Variants in MRPL16 observed in about 807,000 individuals in gnomAD.
The protein encoded by MRPL16 is large ribosomal subunit protein uL16m.
MRPL16 carries 17 observed loss-of-function variants against 22.7 expected under a neutral mutation model. The observed-to-expected ratio is 0.75, with a 90% CI of 0.51 to 1.12. The LOEUF is 1.12. MRPL16 is among the 50% of genes most tolerant of loss of function. The probability of loss-of-function intolerance (pLI) is 0.00; values close to 1 mark genes in which losing one functional copy is unlikely to be tolerated. For missense variants in MRPL16, 316 were observed against 328.7 expected, an observed-to-expected ratio of 0.96 and a Z score of 0.30; for synonymous variants, 103 against 112.8, an observed-to-expected ratio of 0.91 and a Z score of 0.55.
intron 1 of MRPL16, chr11:59,810,256 G>T: frequency 8.4e-7 from 1 of 1,186,384 alleles, no homozygotes; most frequent in Non-Finnish European, 1.1e-6. Flanking sequence ...TGATTCGCCC[G>T]CCTCGGCCTC....
chr11:59,810,707 C>T lies in MRPL16; in HGVS notation c.-49G>A, dbSNP rs563113167. 6.8e-6 allele frequency: 11 copies of T among 1,610,204 alleles called. No individual in the cohort carries two copies. Among genetic ancestry groups the T allele is most frequent in the South Asian group, 2.2e-5 (2 of 90,878 alleles). ...GAGCTCCCCCAGCGACTCCGGCTGT[C>T]TCCTGCACCCAGGTAAGCAGCGGCG... On this transcript the variant is annotated 5_prime_UTR_variant, in exon 1 of 4. Transcript: ENST00000300151.
chr11:59,808,104 C>A lies in MRPL16; in HGVS notation c.122-255G>T, dbSNP rs76639747. ...CAGCCTGAAAGTCTTAAAGTTACCACTGAACAGTAACTGTAAAGGTATATT... is the reference window on the plus strand; with the variant it reads ...CAGCCTGAAAGTCTTAAAGTTACCAATGAACAGTAACTGTAAAGGTATATT... On this transcript the variant is annotated intron_variant, in intron 2 of 3. Coordinates refer to ENST00000300151, the MANE Select transcript of MRPL16 (RefSeq NM_017840.4). Among the ~76,000 whole-genome samples the A allele has an allele frequency of 3.4e-3, 525 of 152,292 alleles. 3 individuals carry two copies. Among genetic ancestry groups the A allele is most frequent in the African/African-American group, 0.012 (518 of 41,558 alleles).
Position 59,810,103 on chromosome 11 carries a change from T to C in MRPL16, c.56-183A>G, listed in dbSNP as rs1866158050. The C allele has an allele frequency of 6.3e-6, 4 of 630,850 alleles. No individual in the cohort carries two copies. The South Asian group carries it at 9.4e-5, about 15-fold the overall frequency. 39.1% of individuals were successfully genotyped at this position (630,850 alleles called of 1,614,324 possible). On this transcript the variant is annotated intron_variant, in intron 1 of 3. Coordinates refer to ENST00000300151, the MANE Select transcript of MRPL16 (RefSeq NM_017840.4). The stretch of plus-strand genomic sequence containing the variant: ...TCACTGCAACCTCCGCCTCCCGGGT[T>C]CAAGAGATTCTCCTGCCTCAGCCTC...
chr11:59,810,377 AG>A, intron 1 of MRPL16: 1 of 1,392,456 alleles, frequency 7.2e-7, no homozygotes, highest in South Asian at 1.6e-5. Context: ...TCAAAGGCTC[AG>A]GCTCCGCAAA....
At chr11:59,809,770 C>G in intron 2 of MRPL16, 85 bp downstream of exon 2, 1 of 1,204,526 alleles carries the variant, frequency 8.3e-7, no homozygotes, top group Non-Finnish European at 1.2e-6. Context: ...ATGGGAAACA[C>G]GAGAACATTC....
chr11:59,808,216 CA>C (rs1866133493), intron 2 of MRPL16, among the ~76,000 whole-genome samples: 1 of 152,190 alleles, frequency 6.6e-6, no homozygotes, highest in Non-Finnish European at 1.5e-5. Flanking sequence ...TTAAAGATAG[CA>C]AAGTTTTATC....
At position 59,810,720 on chromosome 11, in the gene MRPL16, G is replaced by C. The variant is rs1866166535; in HGVS notation, c.-62C>G. ...GACTCCGGCTGTCTCCTGCACCCAG[G>C]TAAGCAGCGGCGCTCCACTACCTAG... On this transcript the variant is annotated 5_prime_UTR_variant, in exon 1 of 4. Transcript: ENST00000300151. 6.3e-7 allele frequency: 1 copy of C among 1,597,844 alleles called. No individual in the cohort carries two copies. The highest frequency in any genetic ancestry group is 1.7e-5 in the Admixed American group (1 of 59,674).
chr11:59,806,643 C>A lies in MRPL16; in HGVS notation c.460G>T (p.Val154Leu), dbSNP rs1164103358. The A allele has an allele frequency of 1.2e-6, 2 of 1,614,126 alleles. No homozygotes were observed. The highest frequency in any genetic ancestry group is 2.7e-5 in the African/African-American group (2 of 74,942). ...KGAIDHYVTP[V>L]KAGRLVVEMG... ...TCTACAACAAGGCGGCCAGCCTTCACAGGTGTCACGTAGTGGTCAATAGCA... is the reference window on the plus strand; with the variant it reads ...TCTACAACAAGGCGGCCAGCCTTCAAAGGTGTCACGTAGTGGTCAATAGCA... Residue 154 changes from valine to leucine, a missense_variant, in exon 4 of 4, where the codon GTG (valine) becomes TTG (leucine). Val to Leu is a conservative substitution (Grantham distance 32, BLOSUM62 1). Coordinates refer to ENST00000300151, the MANE Select transcript of MRPL16 (RefSeq NM_017840.4).
At position 59,810,749 on chromosome 11, in the gene MRPL16, T is replaced by C. The variant is rs984804802; in HGVS notation, c.-91A>G. 4.1e-6 allele frequency: 6 copies of C among 1,478,504 alleles called. No individual in the cohort carries two copies. In the African/African-American group the frequency reaches 8.3e-5, roughly 21 times the overall value. 91.6% of individuals were successfully genotyped at this position (1,478,504 alleles called of 1,614,324 possible). ...GCAGCGGCGCTCCACTACCTAGCTG[T>C]AATCGGCTCAGGACACCGCTCAGTG... On this transcript the variant is annotated 5_prime_UTR_variant, in exon 1 of 4. Transcript: ENST00000300151.
intron 2 of MRPL16, among the ~76,000 whole-genome samples, chr11:59,809,373 T>A (rs1866149463): frequency 6.6e-6 from 1 of 151,982 alleles, no homozygotes; most frequent in Non-Finnish European, 1.5e-5. Context: ...GCCTCCTGAG[T>A]AGCTGGGATT....
chr11:59,809,797 C>T (rs887504618), intron 2 of MRPL16, 58 bp downstream of exon 2: 24 of 1,463,990 alleles, frequency 1.6e-5, no homozygotes, highest in Non-Finnish European at 2.1e-5. Flanking sequence ...CATCTCCCAC[C>T]CGCTCCTGGT....
At position 59,810,653 on chromosome 11, in the gene MRPL16, C is replaced by T. The variant is rs1042778333; in HGVS notation, c.6G>A (p.Trp2Ter). Reference sequence around the variant, plus strand: ...GCGCACTAGCGCGAGCCAGCAGCCTCCACATGGTCACGGGCGTCCGGCGGC... The same window carrying T: ...GCGCACTAGCGCGAGCCAGCAGCCTTCACATGGTCACGGGCGTCCGGCGGC... M[W>*]RLLARASAPL... Residue 2 changes from tryptophan to a stop codon, truncating the protein, a stop_gained, in exon 1 of 4, where the codon TGG becomes TGA. Transcript: ENST00000300151. LOFTEE classifies it high-confidence loss of function. 3.7e-6 allele frequency: 6 copies of T among 1,614,134 alleles called. No homozygotes were observed. The highest frequency in any genetic ancestry group is 2.2e-5 in the East Asian group (1 of 44,880).
Position 59,806,544 on chromosome 11 carries a change from C to T in MRPL16, c.559G>A (p.Ala187Thr). The T allele has an allele frequency of 1.2e-6, 2 of 1,614,268 alleles. No homozygotes were observed. Among genetic ancestry groups the T allele is most frequent in the Admixed American group, 1.7e-5 (1 of 60,034 alleles). The change falls in exon 4 of 4, where the codon GCA (alanine) becomes ACA (threonine). Residue 187 changes from alanine to threonine, a missense_variant. Transcript: ENST00000300151. ...DQVAHKLPFA[A>T]KAVSRGTLEK... ...AGAGTCCCGCGGCTCACAGCCTTTG[C>T]TGCGAAGGGCAACTTGTGGGCAACC... is the stretch of plus-strand genomic sequence containing the variant.
chr11:59,807,592 C>T, intron 3 of MRPL16, 109 bp downstream of exon 3: 2 of 1,243,000 alleles, frequency 1.6e-6, no homozygotes, highest in Non-Finnish European at 2.2e-6. Flanking sequence ...CAACTGGTGG[C>T]AGTTCTAATA....
intron 2 of MRPL16, among the ~76,000 whole-genome samples, chr11:59,809,300 G>A (rs573108068): frequency 1.3e-5 from 2 of 151,488 alleles, no homozygotes; most frequent in Non-Finnish European, 2.9e-5. Context: ...AACATCAAAA[G>A]TTCAGGTTTT....
intron 2 of MRPL16, 33 bp downstream of exon 2, chr11:59,809,822 A>T (rs1174276923): frequency 1.3e-6 from 2 of 1,586,380 alleles, no homozygotes; most frequent in South Asian, 1.1e-5. Context: ...ATCAGAGAAA[A>T]GATTTACGAA....
In MRPL16 at chr11:59,806,304, A is replaced by C. The variant is rs747170572; in HGVS notation, c.*43T>G. The C allele has an allele frequency of 6.3e-7, 1 of 1,583,390 alleles. No homozygotes were observed. Among genetic ancestry groups the C allele is most frequent in the South Asian group, 1.1e-5 (1 of 87,534 alleles). On this transcript the variant is annotated 3_prime_UTR_variant, in exon 4 of 4. Transcript: ENST00000300151. ...AGGCTGAGGGGAATAGAAATGCAGAATCCTTCTTTCAGTAGCCTATATACA... is the reference window on the plus strand; with the variant it reads ...AGGCTGAGGGGAATAGAAATGCAGACTCCTTCTTTCAGTAGCCTATATACA...
chr11:59,808,955 T>G (rs1866142689), intron 2 of MRPL16: 1 of 152,230 alleles, frequency 6.6e-6, no homozygotes. Context: ...GGCTTTATAA[T>G]GGAGACAAAT....
At chr11:59,810,485 T>C in intron 1 of MRPL16, 119 bp downstream of exon 1, 1 of 1,537,142 alleles carries the variant, frequency 6.5e-7, no homozygotes, top group South Asian at 1.2e-5. Context: ...ATAGCGTAGT[T>C]CCTAACCAGT....
Sources: allele counts gnomAD v4.1 joint callset (sites outside exome capture counted in the v4.1 genomes callset), GRCh38; gene constraint gnomAD v4.1.1; transcripts MANE v1.5; gene names NCBI Gene and HGNC (gene_info 2026-07-23, HGNC 2026-07-21).